CACNA2D3: variants seen among roughly 807,000 people sequenced by gnomAD.
CACNA2D3 encodes voltage-dependent calcium channel subunit alpha-2/delta-3.
CACNA2D3 carries 60 observed loss-of-function variants against 160.6 expected under a neutral mutation model. The observed-to-expected ratio is 0.37, with a 90% CI of 0.30 to 0.46. The LOEUF (loss-of-function observed/expected upper bound fraction) is 0.46. CACNA2D3 is among the 20% of genes least tolerant of loss of function. The probability of loss-of-function intolerance (pLI) is 1.00; values close to 1 mark genes in which losing one functional copy is unlikely to be tolerated. For synonymous variants in CACNA2D3, 558 were observed against 492.9 expected (o/e 1.13, Z -1.75); for missense variants, 1,205 against 1,365.0 (o/e 0.88, Z 1.85).
chr3:54,410,663 C>T (rs1699651720), intron 4 of CACNA2D3, among the ~76,000 whole-genome samples: 1 of 151,428 alleles, frequency 6.6e-6, no homozygotes, highest in East Asian at 1.9e-4. Flanking sequence ...TGTTACATCT[C>T]ATTGACAACT....
intron 35 of CACNA2D3, among the ~76,000 whole-genome samples, chr3:55,023,577 A>C (rs2107166671): frequency 6.6e-6 from 1 of 152,146 alleles, no homozygotes; most frequent in African/African-American, 2.4e-5. Flanking sequence ...TTTCCATGTT[A>C]GATTATTGGC....
chr3:54,614,644 G>A (rs1698811247), intron 9 of CACNA2D3, among the ~76,000 whole-genome samples: 1 of 152,168 alleles, frequency 6.6e-6, no homozygotes, highest in South Asian at 2.1e-4. Flanking sequence ...ATAATAGAGT[G>A]TAAATGGTTA....
At chr3:54,290,752 C>G (rs1703172890) in intron 2 of CACNA2D3, among the ~76,000 whole-genome samples, 1 of 151,966 alleles carries the variant, frequency 6.6e-6, no homozygotes, top group Non-Finnish European at 1.5e-5. Context: ...AGTTCATGTC[C>G]TTTGTAGGGA....
intron 11 of CACNA2D3, among the ~76,000 whole-genome samples, chr3:54,668,050 C>G (rs908506892): frequency 2.0e-5 from 3 of 152,032 alleles, no homozygotes; most frequent in African/African-American, 7.2e-5. Flanking sequence ...TTCCGAAATT[C>G]AGAAGGCTAT....
chr3:54,738,065 A>G (rs1701569579), intron 11 of CACNA2D3, among the ~76,000 whole-genome samples: 1 of 152,166 alleles, frequency 6.6e-6, no homozygotes, highest in Admixed American at 6.5e-5. Flanking sequence ...TTCAAGTGAG[A>G]GGCATTGGTG....
intron 11 of CACNA2D3, among the ~76,000 whole-genome samples, chr3:54,683,149 A>G (rs759930164): frequency 6.6e-6 from 1 of 152,210 alleles, no homozygotes; most frequent in Non-Finnish European, 1.5e-5. Flanking sequence ...TTCACTTCTG[A>G]AATGGAACAC....
At chr3:54,604,404 CTCAGGGGTCCTTTGGCATGTTAA>C (rs1703120507) in intron 9 of CACNA2D3, among the ~76,000 whole-genome samples, 1 of 152,196 alleles carries the variant, frequency 6.6e-6, no homozygotes, top group African/African-American at 2.4e-5. Context: ...GCCCTGCCTA[CTCAGGGGTCCTTTGGCATGTTAA>C]TCAGGAATGT....
intron 4 of CACNA2D3, among the ~76,000 whole-genome samples, chr3:54,398,191 T>C (rs1699390271): frequency 7.6e-6 from 1 of 132,244 alleles, no homozygotes; most frequent in Non-Finnish European, 1.6e-5. Context: ...TCCATCCTTT[T>C]ATTTTGAGCC....
At chr3:54,678,168 C>T (rs1257827712) in intron 11 of CACNA2D3, among the ~76,000 whole-genome samples, 1 of 152,080 alleles carries the variant, frequency 6.6e-6, no homozygotes, top group African/African-American at 2.4e-5. Context: ...TAGGTTTGCC[C>T]TCTATTTTAG....
At chr3:54,884,168 T>TA (rs1699873494) in intron 21 of CACNA2D3, among the ~76,000 whole-genome samples, 1 of 152,168 alleles carries the variant, frequency 6.6e-6, no homozygotes, top group South Asian at 2.1e-4. Context: ...GCTGCACAGA[T>TA]AGATGGATTG....
At chr3:54,443,196 C>T (rs754578887) in intron 4 of CACNA2D3, among the ~76,000 whole-genome samples, 2 of 152,058 alleles carry the variant, frequency 1.3e-5, no homozygotes, top group African/African-American at 2.4e-5. Flanking sequence ...AACATATAGT[C>T]GGGGGATATG....
At position 54,846,449 on chromosome 3, in the gene CACNA2D3, TC is replaced by T; in HGVS notation, c.1610del (p.Pro537ArgfsTer35). The T allele has an allele frequency of 1.9e-6, 3 of 1,600,520 alleles. No homozygotes were observed. Among genetic ancestry groups the T allele is most frequent in the Non-Finnish European group, 2.6e-6 (3 of 1,171,746 alleles). On this transcript the variant is annotated frameshift_variant, in exon 17 of 38. Coordinates refer to ENST00000474759, the MANE Select transcript of CACNA2D3 (RefSeq NM_018398.3). LOFTEE classifies it high-confidence loss of function. ...CAAATAATGGATATATCCTGACGCA[TC>T]CGGAACTCAGGCTGCTGGTAAGAGA... Reference protein sequence around the residue: ...ITNNGYILTHPELRLLYEEGK... With the variant: ...ITNNGYILTHXELRLLYEEGK...
intron 4 of CACNA2D3, among the ~76,000 whole-genome samples, chr3:54,451,229 C>CTT (rs71074970): frequency 0.13 from 6,874 of 51,668 alleles, 2,351 homozygotes; most frequent in Non-Finnish European, 0.16. Context: ...ATATAATAAT[C>CTT]TTTTTTTTTT....
At chr3:55,067,098 T>TGG (rs560175834) in intron 35 of CACNA2D3, among the ~76,000 whole-genome samples, 7,828 of 146,642 alleles carry the variant, frequency 0.053, 460 homozygotes, top group East Asian at 0.21. Context: ...CAATCTTTTG[T>TGG]AGCGGGGGGG....
intron 35 of CACNA2D3, among the ~76,000 whole-genome samples, chr3:55,022,588 TTTTTTCCTTCTTTC>T (rs1443737591): frequency 0.016 from 2,412 of 148,660 alleles, 81 homozygotes; most frequent in African/African-American, 0.058. Context: ...CCTTCCTTCC[TTTTTTCCTTCTTTC>T]TTTCCTTCCC....
chr3:54,717,160 A>C (rs1044346367), intron 11 of CACNA2D3, among the ~76,000 whole-genome samples: 1 of 152,106 alleles, frequency 6.6e-6, no homozygotes, highest in African/African-American at 2.4e-5. Flanking sequence ...GTGTGTGCCA[A>C]GGGTTTGTTT....
chr3:54,480,338 G>A (rs1700912937), intron 4 of CACNA2D3, among the ~76,000 whole-genome samples: 1 of 152,058 alleles, frequency 6.6e-6, no homozygotes, highest in South Asian at 2.1e-4. Context: ...ACATACCATT[G>A]TTGAGATGGT....
At chr3:55,015,522 T>A (rs1703310127) in intron 34 of CACNA2D3, among the ~76,000 whole-genome samples, 1 of 152,246 alleles carries the variant, frequency 6.6e-6, no homozygotes, top group African/African-American at 2.4e-5. Flanking sequence ...TGCATGCTTG[T>A]GCCGCATCCA....
chr3:54,455,596 A>T (rs1293544065), intron 4 of CACNA2D3, among the ~76,000 whole-genome samples: 2 of 151,798 alleles, frequency 1.3e-5, no homozygotes, highest in Non-Finnish European at 2.9e-5. Flanking sequence ...CCATTTGTCT[A>T]TTTTTGCTTC....
Sources: allele counts gnomAD v4.1 joint callset (sites outside exome capture counted in the v4.1 genomes callset), GRCh38; gene constraint gnomAD v4.1.1; transcripts MANE v1.5; gene names NCBI Gene and HGNC (gene_info 2026-07-23, HGNC 2026-07-21).